CFAP221: variants seen among roughly 807,000 people sequenced by gnomAD.
CFAP221 encodes the protein cilia- and flagella-associated protein 221.
In CFAP221, 97 loss-of-function variants were observed where a neutral mutation model predicts 113.1. The ratio of observed to expected loss-of-function variants is 0.86; its 90% CI spans 0.73 to 1.02. The LOEUF (loss-of-function observed/expected upper bound fraction) is 1.02, where lower values mean the gene tolerates loss of function less well. Among genes scored for constraint, CFAP221 ranks in the 50% least tolerant of loss-of-function variants. The probability of loss-of-function intolerance (pLI) is 0.00; values close to 1 mark genes in which losing one functional copy is unlikely to be tolerated. For synonymous variants in CFAP221, 331 were observed against 354.4 expected (o/e 0.93, Z 0.74); for missense variants, 1,025 against 1,013.4 (o/e 1.01, Z -0.16).
Position 119,656,310 on chromosome 2 carries a change from G to A in CFAP221, c.2415-52G>A, listed in dbSNP as rs890555955. ...GCACTGCTGGCGGGGGGTGATTTGC[G>A]TGGTTTTATTAAGTGTCCTCATGTT... is the stretch of plus-strand genomic sequence containing the variant. On this transcript the variant is annotated intron_variant, in intron 23 of 23. Transcript: ENST00000413369. 22 of 1,459,122 alleles carry A rather than the reference G, an allele frequency of 1.5e-5. No individual in the cohort carries two copies. The African/African-American group carries it at 1.7e-4, about 11-fold the overall frequency. 90.4% of individuals were successfully genotyped at this position (1,459,122 alleles called of 1,614,324 possible). A position where few individuals can be genotyped will look rare whatever the true frequency, so the allele number is the denominator to read the frequency against.
At chr2:119,658,308 C>T (rs1246054764), downstream of CFAP221, among the ~76,000 whole-genome samples, 1 of 152,142 alleles carries the variant, frequency 6.6e-6, no homozygotes, top group Non-Finnish European at 1.5e-5. Context: ...CAAATTGTTC[C>T]AGCTCTGGCC....
chr2:119,639,635 T>G, intron 20 of CFAP221, 146 bp from the exon 21 acceptor site: 1 of 653,312 alleles, frequency 1.5e-6, no homozygotes, highest in East Asian at 2.8e-5. Flanking sequence ...AATTGCCTTT[T>G]TGCTTCAGAA....
intron 5 of CFAP221, among the ~76,000 whole-genome samples, chr2:119,560,662 A>T (rs187728810): frequency 6.4e-4 from 97 of 152,252 alleles, no homozygotes; most frequent in Non-Finnish European, 1.2e-3. Flanking sequence ...TAAATTATTG[A>T]TGTTTCAAAA....
intron 6 of CFAP221, among the ~76,000 whole-genome samples, chr2:119,570,035 A>G (rs1047882659): frequency 9.2e-5 from 14 of 152,160 alleles, no homozygotes; most frequent in African/African-American, 3.1e-4. Flanking sequence ...TTTGCCTTTT[A>G]GTATGTCTTG....
Position 119,638,318 on chromosome 2 carries a change from A to G in CFAP221, c.2034A>G (p.Ile678Met), listed in dbSNP as rs889855334. 1 of 1,614,120 alleles carries G rather than the reference A, an allele frequency of 6.2e-7. No homozygotes were observed. Residue 678 changes from isoleucine (I) to methionine (M), a missense_variant, in exon 20 of 24, where the codon ATA (isoleucine) becomes ATG (methionine). By Grantham distance (10) the Ile-to-Met change is conservative (BLOSUM62 1). Transcript: ENST00000413369. Reference protein sequence around the residue: ...MHPLTYAETLIDYHLCSHPKY... With the variant: ...MHPLTYAETLMDYHLCSHPKY... ...CTCTGACCTATGCAGAAACGTTGAT[A>G]GATTACCATCTATGCTCTCACCCCA...
chr2:119,560,265 T>C (rs1230332921), intron 5 of CFAP221, among the ~76,000 whole-genome samples: 1 of 152,184 alleles, frequency 6.6e-6, no homozygotes, highest in Non-Finnish European at 1.5e-5. Context: ...AGACGCGGTT[T>C]GCTGCAGGCT....
chr2:119,630,652 C>G lies in CFAP221; in HGVS notation c.1814C>G (p.Ala605Gly), dbSNP rs749575441. Residue 605 changes from alanine to glycine, a missense_variant, in exon 18 of 24, where the codon GCC (alanine) becomes GGC (glycine). Ala to Gly is a moderately conservative substitution (Grantham distance 60). Transcript: ENST00000413369. ...SSTSYRPQKL[A>G]RALKQGAEDE... Reference sequence around the variant, plus strand: ...ACAAGTTACAGACCTCAAAAGCTTGCCCGAGCCCTAAAGCAAGGAGCTGAG... The same window carrying G: ...ACAAGTTACAGACCTCAAAAGCTTGGCCGAGCCCTAAAGCAAGGAGCTGAG... 1.4e-5 allele frequency: 22 copies of G among 1,613,500 alleles called. 1 individual carries two copies. Among genetic ancestry groups the G allele is most frequent in the African/African-American group, 2.7e-5 (2 of 74,896 alleles).
At chr2:119,581,846 C>T (rs1682870900) in intron 6 of CFAP221, among the ~76,000 whole-genome samples, 2 of 152,064 alleles carry the variant, frequency 1.3e-5, no homozygotes. Context: ...AGGAGAATCA[C>T]TTGAACCCAG....
At chr2:119,653,598 G>A (rs1337721363) in intron 23 of CFAP221, among the ~76,000 whole-genome samples, 6 of 151,990 alleles carry the variant, frequency 3.9e-5, no homozygotes, top group Non-Finnish European at 5.9e-5. Context: ...AGTGTTTTCC[G>A]TTATCAATAG....
intron 15 of CFAP221, among the ~76,000 whole-genome samples, chr2:119,627,438 A>C (rs943426756): frequency 6.6e-6 from 1 of 151,910 alleles, no homozygotes; most frequent in Non-Finnish European, 1.5e-5. Flanking sequence ...ATTATGAATT[A>C]TAGTTTTTTG....
chr2:119,577,257 A>C (rs748912175), intron 6 of CFAP221, among the ~76,000 whole-genome samples: 1 of 152,178 alleles, frequency 6.6e-6, no homozygotes, highest in Non-Finnish European at 1.5e-5. Flanking sequence ...CACCCTCATG[A>C]CCTCATCTAA....
chr2:119,580,928 C>T (rs1353499866), intron 6 of CFAP221: 1 of 152,788 alleles, frequency 6.5e-6, no homozygotes, highest in Non-Finnish European at 1.5e-5. Flanking sequence ...AAGCTGGAAA[C>T]CCTCTGCTGA....
At chr2:119,629,506 C>G (rs921600297) in intron 16 of CFAP221, among the ~76,000 whole-genome samples, 2 of 152,164 alleles carry the variant, frequency 1.3e-5, no homozygotes, top group Admixed American at 6.5e-5. Flanking sequence ...GATGCAGTGC[C>G]GTTCAGATGA....
chr2:119,602,898 A>G (rs1684464738), intron 8 of CFAP221: 1 of 472,002 alleles, frequency 2.1e-6, no homozygotes, highest in Non-Finnish European at 2.8e-6. Context: ...ACAGCATTGT[A>G]TGACAGAAGC....
intron 7 of CFAP221, among the ~76,000 whole-genome samples, chr2:119,596,138 CTT>C (rs1683951820): frequency 2.6e-5 from 4 of 152,094 alleles, no homozygotes; most frequent in Admixed American, 2.6e-4. Flanking sequence ...TAAAAAGTCT[CTT>C]TGGCTCCTGA....
At chr2:119,616,782 G>A (rs1685557555) in intron 14 of CFAP221, among the ~76,000 whole-genome samples, 1 of 152,160 alleles carries the variant, frequency 6.6e-6, no homozygotes, top group Non-Finnish European at 1.5e-5. Flanking sequence ...CTGTCCTTTG[G>A]GCCAGCCTGA....
chr2:119,571,601 T>G (rs1574029601), intron 6 of CFAP221, among the ~76,000 whole-genome samples: 1 of 152,058 alleles, frequency 6.6e-6, no homozygotes, highest in Non-Finnish European at 1.5e-5. Context: ...ACCACAGACA[T>G]GCACCACCAC....
At chr2:119,646,844 A>T (rs1687841937) in intron 21 of CFAP221, 114 bp from the exon 22 acceptor site, 10 of 832,424 alleles carry the variant, frequency 1.2e-5, no homozygotes. Context: ...GAGGGAGGAC[A>T]GAGTAGTAGA....
At chr2:119,611,555 A>C in intron 12 of CFAP221, 98 bp from the exon 13 acceptor site, 6 of 985,908 alleles carry the variant, frequency 6.1e-6, no homozygotes, top group Non-Finnish European at 9.2e-6. Flanking sequence ...TCGTGGGTGG[A>C]TTTGGCCAAT....
Sources: gnomAD v4.1 joint callset for allele counts (sites outside exome capture counted in the v4.1 genomes callset) on GRCh38, gnomAD v4.1.1 for gene constraint, MANE v1.5 for transcripts, NCBI Gene and HGNC (gene_info 2026-07-23, HGNC 2026-07-21) for gene names.